Variants in NFAT5 observed in about 807,000 individuals in gnomAD.
NFAT5 encodes nuclear factor of activated T cells 5, also known as nuclear factor of activated T-cells 5.
NFAT5 carries 31 observed loss-of-function variants against 166.5 expected under a neutral mutation model. The observed-to-expected ratio is 0.19, with a 90% confidence interval of 0.14 to 0.25. NFAT5 has a LOEUF of 0.25. Ranked by LOEUF, NFAT5 falls within the 10% of genes least tolerant of loss-of-function variation. The pLI is 1.00. For synonymous variants in NFAT5, 612 were observed against 639.7 expected (o/e 0.96, Z 0.65); for missense variants, 1,449 against 1,821.8 (o/e 0.80, Z 3.72).
chr16:69,674,825 A>C (rs1389652846), intron 9 of NFAT5, among the ~76,000 whole-genome samples: 1 of 152,244 alleles, frequency 6.6e-6, no homozygotes. Context: ...GAAAAAGATT[A>C]TCTGCTAGGG....
intron 2 of NFAT5, among the ~76,000 whole-genome samples, chr16:69,604,458 C>T (rs2033299402): frequency 6.6e-6 from 1 of 152,154 alleles, no homozygotes; most frequent in Non-Finnish European, 1.5e-5. Flanking sequence ...TATTTCATCA[C>T]CAAGGTACTA....
intron 3 of NFAT5, among the ~76,000 whole-genome samples, chr16:69,636,691 C>G (rs557184776): frequency 3.3e-5 from 5 of 152,306 alleles, no homozygotes; most frequent in African/African-American, 1.2e-4. Flanking sequence ...TCAGCTATGG[C>G]TGGAGCATCT....
chr16:69,689,906 T>C (rs1485742527), intron 11 of NFAT5, among the ~76,000 whole-genome samples: 3 of 152,200 alleles, frequency 2.0e-5, no homozygotes, highest in Admixed American at 6.5e-5. Context: ...ATCCAACTTA[T>C]AGACCATGTG....
At position 69,670,272 on chromosome 16, in the gene NFAT5, T is replaced by C. The variant is rs200978749; in HGVS notation, c.1541T>C (p.Met514Thr). The C allele has an allele frequency of 3.2e-6, 5 of 1,581,586 alleles. No homozygotes were observed. Among genetic ancestry groups the C allele is most frequent in the East Asian group, 2.3e-5 (1 of 44,190 alleles). ...NSWKSEAEID[M>T]ELFHQNHLIV... ...TGGAAGTCAGAAGCTGAAATTGATA[T>C]GGAACTATTTCATCAGGTAAAATTT... The change falls in exon 9 of 15, where the codon ATG becomes ACG. Residue 514 changes from methionine (M) to threonine (T), a missense_variant. Met to Thr is a moderately conservative substitution (Grantham distance 81). This residue lies in a region of NFAT5 where 245 missense variants were observed against 366.6 expected (regional missense o/e 0.67). Transcript: ENST00000349945.
At chr16:69,641,974 C>G (rs938736190) in intron 3 of NFAT5, among the ~76,000 whole-genome samples, 1 of 152,022 alleles carries the variant, frequency 6.6e-6, no homozygotes, top group Non-Finnish European at 1.5e-5. Flanking sequence ...TGGTGCATAC[C>G]TGTAGTCCTA....
At chr16:69,669,485 C>T (rs1326616431) in intron 7 of NFAT5, among the ~76,000 whole-genome samples, 3 of 151,984 alleles carry the variant, frequency 2.0e-5, no homozygotes, top group Non-Finnish European at 4.4e-5. Flanking sequence ...GCAGAGGTTG[C>T]GGTGAGCTGA....
chr16:69,605,346 A>T (rs2033348065), intron 2 of NFAT5, among the ~76,000 whole-genome samples: 1 of 152,156 alleles, frequency 6.6e-6, no homozygotes, highest in Non-Finnish European at 1.5e-5. Flanking sequence ...AGGCTGAGGT[A>T]GGAGAATCGC....
At chr16:69,687,519 T>C (rs1055590417) in intron 11 of NFAT5, among the ~76,000 whole-genome samples, 2 of 152,070 alleles carry the variant, frequency 1.3e-5, no homozygotes, top group South Asian at 4.1e-4. Context: ...GAAGGACTTG[T>C]GTCTTTGCAT....
chr16:69,662,450 C>CTTTCTTT (rs1399691895), intron 7 of NFAT5, among the ~76,000 whole-genome samples: 2 of 96,994 alleles, frequency 2.1e-5, no homozygotes, highest in African/African-American at 7.7e-5. Flanking sequence ...ACACCTCTTT[C>CTTTCTTT]TTTTTTTTTT....
chr16:69,607,209 A>G (rs998842341), intron 2 of NFAT5, among the ~76,000 whole-genome samples: 7 of 152,200 alleles, frequency 4.6e-5, no homozygotes, highest in African/African-American at 1.7e-4. Context: ...TAAGTGATAC[A>G]TTTATGATGA....
At position 69,668,808 on chromosome 16, in the gene NFAT5, A is replaced by G. The variant is rs139219923; in HGVS notation, c.1370-1169A>G. 4.9e-4 allele frequency among the ~76,000 whole-genome samples: 74 copies of G among 152,250 alleles called. No homozygotes were observed. The East Asian group carries it at 0.014, about 28-fold the overall frequency. Reference sequence around the variant, plus strand: ...ATTCTCCTGCCTCAGCCTCCCAAGTAGCTGGGATTACAAGCACCCACCACC... The same window carrying G: ...ATTCTCCTGCCTCAGCCTCCCAAGTGGCTGGGATTACAAGCACCCACCACC... On this transcript the variant is annotated intron_variant, in intron 7 of 14. Coordinates refer to ENST00000349945, the MANE Select transcript of NFAT5 (RefSeq NM_138713.4).
At chr16:69,568,618 T>C (rs2016256273) in intron 2 of NFAT5, 70 bp downstream of exon 2, 1 of 1,296,438 alleles carries the variant, frequency 7.7e-7, no homozygotes, top group East Asian at 2.4e-5. Flanking sequence ...GGAGTTTAAA[T>C]GGGAAAGTAT....
intron 2 of NFAT5, among the ~76,000 whole-genome samples, chr16:69,582,129 G>T (rs902543577): frequency 1.8e-4 from 28 of 152,088 alleles, no homozygotes; most frequent in Admixed American, 8.5e-4. Context: ...GCCAGGTGTG[G>T]TGGTGCATGC....
At chr16:69,631,215 G>T (rs2034701332) in intron 3 of NFAT5, among the ~76,000 whole-genome samples, 1 of 152,182 alleles carries the variant, frequency 6.6e-6, no homozygotes, top group Non-Finnish European at 1.5e-5. Flanking sequence ...GGTGGATCAT[G>T]AGGTCAGGAG....
In NFAT5 at chr16:69,655,817, AT is replaced by A; in HGVS notation, c.1196+23del. On this transcript the variant is annotated intron_variant, in intron 6 of 14. Coordinates refer to ENST00000349945, the MANE Select transcript of NFAT5 (RefSeq NM_138713.4). ...ACACTGGCGTAAGTACTTAGTAAGA[AT>A]TTTTCATTATACATTACACTCTTGT... The A allele has an allele frequency of 6.3e-7, 1 of 1,597,406 alleles. No homozygotes were observed. The highest frequency in any genetic ancestry group is 8.6e-7 in the Non-Finnish European group (1 of 1,168,396).
Position 69,691,814 on chromosome 16 carries a change from C to T in NFAT5, c.1989C>T (p.Gly663=). The change falls in exon 13 of 15, where the codon GGC becomes GGT. Residue 663 remains glycine, a synonymous_variant. Transcript: ENST00000349945. ...ACATCTCAAACATAGCAGGAAATGG[C>T]TCTTTTTCATCACCATCATCTTCCC... ...LENISNIAGN[G]SFSSPSSSHL... is the part of the protein sequence containing the mutation. 6.2e-7 allele frequency: 1 copy of T among 1,614,132 alleles called. No individual in the cohort carries two copies. Among genetic ancestry groups the T allele is most frequent in the African/African-American group, 1.3e-5 (1 of 75,016 alleles).
At chr16:69,569,915 T>G (rs1259744562) in intron 2 of NFAT5, among the ~76,000 whole-genome samples, 2 of 152,192 alleles carry the variant, frequency 1.3e-5, no homozygotes. Flanking sequence ...TGAAGCAGAT[T>G]TCTGGTTTTT....
chr16:69,678,141 G>A (rs567385680), intron 10 of NFAT5, among the ~76,000 whole-genome samples: 4 of 151,748 alleles, frequency 2.6e-5, no homozygotes, highest in African/African-American at 9.7e-5. Context: ...CTGGGCGATA[G>A]AGCGAGACTG....
chr16:69,675,041 A>G (rs1022891567), intron 9 of NFAT5, among the ~76,000 whole-genome samples: 2 of 152,332 alleles, frequency 1.3e-5, no homozygotes, highest in African/African-American at 4.8e-5. Context: ...CACTAGTGAC[A>G]GTTTACCTAA....
Sources: allele counts gnomAD v4.1 joint callset (sites outside exome capture counted in the v4.1 genomes callset), GRCh38; gene constraint gnomAD v4.1.1; regional missense constraint gnomAD v4.1.1; transcripts MANE v1.5; gene names NCBI Gene and HGNC (gene_info 2026-07-23, HGNC 2026-07-21).